The following CHST11 variants were observed in gnomAD, a reference collection of about 807,000 sequenced individuals.
CHST11 encodes the protein C4S-1.
In CHST11, 9 loss-of-function variants were observed where a neutral mutation model predicts 30.4. The ratio of observed to expected loss-of-function variants is 0.30; its 90% CI spans 0.18 to 0.52. The LOEUF is 0.52. Ranked by LOEUF, CHST11 falls within the 20% of genes least tolerant of loss-of-function variation. CHST11 has a pLI of 0.97. For synonymous variants in CHST11, 152 were observed against 187.8 expected (o/e 0.81, Z 1.56); for missense variants, 348 against 460.6 (o/e 0.76, Z 2.24).
At chr12:104,477,859 C>T (rs530693106) in intron 1 of CHST11, among the ~76,000 whole-genome samples, 1 of 152,190 alleles carries the variant, frequency 6.6e-6, no homozygotes, top group Non-Finnish European at 1.5e-5. Flanking sequence ...TGGAAAGACA[C>T]AATGATAGCT....
intron 1 of CHST11, among the ~76,000 whole-genome samples, chr12:104,563,950 GTGGTTCTGGGGTC>G (rs1171828212): frequency 2.6e-5 from 4 of 152,120 alleles, no homozygotes; most frequent in African/African-American, 7.2e-5. Context: ...CTCTGTGTAA[GTGGTTCTGGGGTC>G]TGGCACTACT....
chr12:104,529,503 T>A (rs557715936), intron 1 of CHST11, among the ~76,000 whole-genome samples: 39 of 152,286 alleles, frequency 2.6e-4, no homozygotes, highest in African/African-American at 9.4e-4. Context: ...AATGATGACT[T>A]TAAAAAGATG....
At chr12:104,525,470 A>C (rs1037648156) in intron 1 of CHST11, among the ~76,000 whole-genome samples, 1 of 152,222 alleles carries the variant, frequency 6.6e-6, no homozygotes, top group Non-Finnish European at 1.5e-5. Flanking sequence ...GATTAAGAGC[A>C]CAGGATTTAG....
At chr12:104,708,086 G>A (rs941446405) in intron 2 of CHST11, among the ~76,000 whole-genome samples, 6 of 152,176 alleles carry the variant, frequency 3.9e-5, no homozygotes, top group African/African-American at 1.4e-4. Flanking sequence ...TCTCCTCCCC[G>A]GGGAGATTGT....
chr12:104,505,516 C>T (rs1038737398), intron 1 of CHST11, among the ~76,000 whole-genome samples: 2 of 152,196 alleles, frequency 1.3e-5, no homozygotes, highest in Non-Finnish European at 2.9e-5. Context: ...CGCTGCCTGT[C>T]TGGGGACCAC....
At chr12:104,605,826 G>A (rs1386841301) in intron 2 of CHST11, among the ~76,000 whole-genome samples, 2 of 152,176 alleles carry the variant, frequency 1.3e-5, no homozygotes, top group Non-Finnish European at 1.5e-5. Flanking sequence ...TGCATTGTCA[G>A]CCATTAATAG....
intron 1 of CHST11, among the ~76,000 whole-genome samples, chr12:104,530,019 C>T (rs2038166411): frequency 6.6e-6 from 1 of 152,040 alleles, no homozygotes; most frequent in Non-Finnish European, 1.5e-5. Flanking sequence ...ATTAGCTAGG[C>T]ATGGTGGCAC....
At chr12:104,555,690 C>T (rs1453221436) in intron 1 of CHST11, among the ~76,000 whole-genome samples, 1 of 152,216 alleles carries the variant, frequency 6.6e-6, no homozygotes, top group African/African-American at 2.4e-5. Context: ...CATGGCCATG[C>T]CTGGGAGGCT....
At chr12:104,460,787 G>C (rs533489279) in intron 1 of CHST11, among the ~76,000 whole-genome samples, 3 of 152,208 alleles carry the variant, frequency 2.0e-5, no homozygotes, top group East Asian at 1.9e-4. Flanking sequence ...TTGCAAATTT[G>C]AGTAATTGGT....
intron 1 of CHST11, among the ~76,000 whole-genome samples, chr12:104,544,138 A>AAGAAAGAAAGAAAG (rs1555231338): frequency 2.8e-5 from 2 of 71,726 alleles, no homozygotes; most frequent in African/African-American, 9.8e-5. Flanking sequence ...AAAAAAAAAA[A>AAGAAAGAAAGAAAG]AAAGAAAGAA....
At chr12:104,755,416 C>T (rs758931894) in intron 2 of CHST11, among the ~76,000 whole-genome samples, 4 of 152,164 alleles carry the variant, frequency 2.6e-5, no homozygotes, top group African/African-American at 4.8e-5. Context: ...GAAGCACACT[C>T]AGTGTTGTGG....
At chr12:104,591,898 A>G (rs2038862083) in intron 1 of CHST11, among the ~76,000 whole-genome samples, 1 of 152,082 alleles carries the variant, frequency 6.6e-6, no homozygotes, top group Non-Finnish European at 1.5e-5. Context: ...ATATATTTGT[A>G]TGTAAATCAC....
intron 1 of CHST11, among the ~76,000 whole-genome samples, chr12:104,495,016 T>G (rs1013391326): frequency 2.0e-5 from 3 of 152,190 alleles, no homozygotes; most frequent in Non-Finnish European, 4.4e-5. Context: ...ACCGTTCTAC[T>G]TTCTGTTTCT....
At chr12:104,724,288 C>T (rs2040200638) in intron 2 of CHST11, among the ~76,000 whole-genome samples, 1 of 109,094 alleles carries the variant, frequency 9.2e-6, no homozygotes, top group Non-Finnish European at 1.9e-5. Context: ...AGGAGGATGG[C>T]TACCAGGGGC....
chr12:104,679,005 C>T (rs2039768447), intron 2 of CHST11, among the ~76,000 whole-genome samples: 1 of 152,162 alleles, frequency 6.6e-6, no homozygotes, highest in Non-Finnish European at 1.5e-5. Context: ...CTGAGATTCT[C>T]CAGACAAAAC....
At chr12:104,652,533 T>G (rs1268643250) in intron 2 of CHST11, among the ~76,000 whole-genome samples, 2 of 152,226 alleles carry the variant, frequency 1.3e-5, no homozygotes, top group East Asian at 3.8e-4. Context: ...GGACTGCCTC[T>G]GGAGAACAGA....
At chr12:104,727,948 G>GAGACGTGGATCC (rs1343625640) in intron 2 of CHST11, among the ~76,000 whole-genome samples, 2 of 151,930 alleles carry the variant, frequency 1.3e-5, no homozygotes, top group Non-Finnish European at 2.9e-5. Flanking sequence ...ACAGGGGAGA[G>GAGACGTGGATCC]AGACGTGGAT....
intron 1 of CHST11, among the ~76,000 whole-genome samples, chr12:104,507,579 T>C (rs1349539267): frequency 3.9e-5 from 6 of 152,224 alleles, no homozygotes; most frequent in Admixed American, 1.3e-4. Context: ...CCCAGCAAAC[T>C]ACCTCAGTAG....
chr12:104,515,058 C>G (rs1474994272), intron 1 of CHST11, among the ~76,000 whole-genome samples: 1 of 151,996 alleles, frequency 6.6e-6, no homozygotes. Flanking sequence ...ATGACTGAAT[C>G]TAGCCCGTCT....
Sources: allele counts gnomAD v4.1 joint callset (sites outside exome capture counted in the v4.1 genomes callset), GRCh38; gene constraint gnomAD v4.1.1; transcripts MANE v1.5; gene names NCBI Gene and HGNC (gene_info 2026-07-23, HGNC 2026-07-21).